RBMS1: variants seen among roughly 807,000 people sequenced by gnomAD.
RBMS1 encodes RNA binding motif single stranded interacting protein 1.
Under a neutral mutation model 62.3 loss-of-function variants are expected in RBMS1, and 17 were observed. That is an observed-to-expected ratio of 0.27 (90% CI 0.19 to 0.41). The LOEUF (loss-of-function observed/expected upper bound fraction) is 0.41, where lower values mean the gene tolerates loss of function less well. Among genes scored for constraint, RBMS1 ranks in the 10% least tolerant of loss-of-function variants. The pLI is 1.00. For missense variants in RBMS1, 334 were observed against 504.5 expected (o/e 0.66, Z 3.24); for synonymous variants, 172 against 170.0 (o/e 1.01, Z -0.09).
chr2:160,455,967 G>C (rs996770677), intron 1 of RBMS1, among the ~76,000 whole-genome samples: 2 of 152,002 alleles, frequency 1.3e-5, no homozygotes, highest in Non-Finnish European at 2.9e-5. Flanking sequence ...ACAGGCGTGA[G>C]CCACCGCGCC....
intron 2 of RBMS1, among the ~76,000 whole-genome samples, chr2:160,323,169 ATT>A (rs200830921): frequency 5.4e-4 from 80 of 147,762 alleles, no homozygotes; most frequent in Middle Eastern, 3.5e-3. Context: ...CTGTAGCTTA[ATT>A]TTTTTTTTTT....
At chr2:160,350,441 A>G (rs1692431220) in intron 2 of RBMS1, among the ~76,000 whole-genome samples, 1 of 152,164 alleles carries the variant, frequency 6.6e-6, no homozygotes, top group Admixed American at 6.5e-5. Context: ...ACAATGAGGT[A>G]CAAATGAACA....
intron 2 of RBMS1, among the ~76,000 whole-genome samples, chr2:160,340,957 C>T (rs1415844482): frequency 6.6e-6 from 1 of 152,074 alleles, no homozygotes; most frequent in Non-Finnish European, 1.5e-5. Flanking sequence ...TGACTAAGTA[C>T]ATTTTCACAG....
At chr2:160,456,653 G>A (rs890919535) in intron 1 of RBMS1, among the ~76,000 whole-genome samples, 2 of 152,154 alleles carry the variant, frequency 1.3e-5, no homozygotes, top group African/African-American at 2.4e-5. Flanking sequence ...GATATGTAAG[G>A]ATGATTTGTT....
At position 160,285,006 on chromosome 2, in the gene RBMS1, A is replaced by G. The variant is rs767463180; in HGVS notation, c.795T>C (p.Ala265=). ...TTTTAACGACATACCCGTTCTGTATAGCAGCTGTAGTTGGGTCGTAAGTAA... is the reference window on the plus strand; with the variant it reads ...TTTTAACGACATACCCGTTCTGTATGGCAGCTGTAGTTGGGTCGTAAGTAA... The part of the protein sequence containing the change: ...MTLTYDPTTA[A]IQNGFYPSPY... The change falls in exon 8 of 14, where the codon GCT becomes GCC. Residue 265 remains alanine, a synonymous_variant. Coordinates refer to ENST00000348849, the MANE Select transcript of RBMS1 (RefSeq NM_016836.4). 6.2e-7 allele frequency: 1 copy of G among 1,613,208 alleles called. No homozygotes were observed. Among genetic ancestry groups the G allele is most frequent in the East Asian group, 2.2e-5 (1 of 44,884 alleles).
At chr2:160,303,010 T>G (rs1380476560) in intron 5 of RBMS1, among the ~76,000 whole-genome samples, 2 of 152,216 alleles carry the variant, frequency 1.3e-5, no homozygotes, top group Non-Finnish European at 2.9e-5. Flanking sequence ...CTATTGAATT[T>G]AGGAGACTGA....
intron 1 of RBMS1, among the ~76,000 whole-genome samples, chr2:160,457,272 G>A (rs1000530727): frequency 4.0e-5 from 6 of 151,852 alleles, no homozygotes; most frequent in African/African-American, 9.7e-5. Context: ...CTGGAATTAC[G>A]GGAATGCACC....
At chr2:160,315,757 T>C (rs1690185660) in intron 3 of RBMS1, among the ~76,000 whole-genome samples, 1 of 152,228 alleles carries the variant, frequency 6.6e-6, no homozygotes, top group African/African-American at 2.4e-5. Context: ...TGTCCTGAAC[T>C]GACATATTTA....
intron 1 of RBMS1, among the ~76,000 whole-genome samples, chr2:160,456,281 C>A (rs1308382401): frequency 6.6e-6 from 1 of 152,152 alleles, no homozygotes; most frequent in Non-Finnish European, 1.5e-5. Context: ...AAACCTCTTA[C>A]CAGCTATAGG....
chr2:160,345,712 A>G (rs1457997551), intron 2 of RBMS1, among the ~76,000 whole-genome samples: 1 of 152,124 alleles, frequency 6.6e-6, no homozygotes, highest in African/African-American at 2.4e-5. Context: ...GAAGTTCCCC[A>G]TGGGAGGGCA....
intron 1 of RBMS1, among the ~76,000 whole-genome samples, chr2:160,463,383 G>C (rs987613611): frequency 6.6e-6 from 1 of 152,214 alleles, no homozygotes; most frequent in African/African-American, 2.4e-5. Context: ...ACAAGACTAA[G>C]TATTTAGGGC....
intron 3 of RBMS1, among the ~76,000 whole-genome samples, chr2:160,317,314 CTG>C (rs1183361235): frequency 6.6e-6 from 1 of 152,196 alleles, no homozygotes; most frequent in Non-Finnish European, 1.5e-5. Flanking sequence ...ACTTGAAAAA[CTG>C]GGGTCTAATT....
intron 1 of RBMS1, among the ~76,000 whole-genome samples, chr2:160,398,114 G>A (rs191116460): frequency 1.3e-5 from 2 of 152,336 alleles, no homozygotes; most frequent in East Asian, 1.9e-4. Flanking sequence ...GGGATGGCAA[G>A]TGGGAAGAAT....
At chr2:160,396,697 C>A (rs1461235822) in intron 1 of RBMS1, among the ~76,000 whole-genome samples, 1 of 151,756 alleles carries the variant, frequency 6.6e-6, no homozygotes, top group African/African-American at 2.4e-5. Context: ...TCCTGAGTGG[C>A]TGGGATACAG....
intron 1 of RBMS1, among the ~76,000 whole-genome samples, chr2:160,462,378 T>G (rs886641940): frequency 6.6e-6 from 1 of 152,092 alleles, no homozygotes; most frequent in African/African-American, 2.4e-5. Context: ...TGTTAACATA[T>G]GACACCAGTC....
At chr2:160,477,388 T>C (rs1001649349) in intron 1 of RBMS1, among the ~76,000 whole-genome samples, 1 of 152,180 alleles carries the variant, frequency 6.6e-6, no homozygotes, top group Non-Finnish European at 1.5e-5. Flanking sequence ...AAATTTTATA[T>C]ACTTGCTTCA....
intron 2 of RBMS1, among the ~76,000 whole-genome samples, chr2:160,329,220 T>C (rs185884716): frequency 6.6e-6 from 1 of 152,276 alleles, no homozygotes; most frequent in East Asian, 1.9e-4. Flanking sequence ...ATGATATCTA[T>C]TTTACTCACT....
chr2:160,440,018 T>G (rs1040992755), intron 1 of RBMS1, among the ~76,000 whole-genome samples: 5 of 142,042 alleles, frequency 3.5e-5, no homozygotes, highest in Non-Finnish European at 6.0e-5. Context: ...CCGTCCAGCT[T>G]CGGCTCGGCA....
intron 1 of RBMS1, among the ~76,000 whole-genome samples, chr2:160,479,994 T>C (rs1685301226): frequency 6.6e-6 from 1 of 152,094 alleles, no homozygotes; most frequent in South Asian, 2.1e-4. Flanking sequence ...TACATATATA[T>C]ATAAGATTTT....
Sources: allele counts gnomAD v4.1 joint callset (sites outside exome capture counted in the v4.1 genomes callset), GRCh38; gene constraint gnomAD v4.1.1; transcripts MANE v1.5; gene names NCBI Gene and HGNC (gene_info 2026-07-23, HGNC 2026-07-21).